Variants in PKM observed in about 807,000 individuals in gnomAD.
PKM encodes pyruvate kinase M1/2.
PKM carries 18 observed loss-of-function variants against 49.8 expected under a neutral mutation model. The observed-to-expected ratio is 0.36, with a 90% CI of 0.25 to 0.54. The LOEUF (loss-of-function observed/expected upper bound fraction) is 0.54, where lower values mean the gene tolerates loss of function less well. PKM is among the 20% of genes least tolerant of loss of function. The probability of loss-of-function intolerance (pLI) is 0.89; values close to 1 mark genes in which losing one functional copy is unlikely to be tolerated. For missense variants in PKM, 508 were observed against 713.8 expected (o/e 0.71, Z 3.28); for synonymous variants, 239 against 261.8 (o/e 0.91, Z 0.84).
chr15:72,217,577 AG>A (rs1430029177), intron 2 of PKM, 77 bp from the exon 3 acceptor site: 3 of 1,033,834 alleles, frequency 2.9e-6, no homozygotes, highest in Non-Finnish European at 4.5e-6. Context: ...TTAAGTTTAA[AG>A]AATTTTTTTC....
intron 1 of PKM, among the ~76,000 whole-genome samples, chr15:72,227,883 T>C (rs527574165): frequency 2.7e-5 from 4 of 150,468 alleles, no homozygotes; most frequent in South Asian, 2.2e-4. Flanking sequence ...ATTTCTTCCA[T>C]TGCCTCAATA....
At position 72,199,591 on chromosome 15, in the gene PKM, AATGG is replaced by A; in HGVS notation, c.*55_*58del. The A allele has an allele frequency of 8.3e-7, 1 of 1,204,908 alleles. No individual in the cohort carries two copies. The highest frequency in any genetic ancestry group is 1.2e-6 in the Non-Finnish European group (1 of 812,084). The allele number at this position is 1,204,908 out of a possible 1,614,324, so 74.6% of individuals were successfully genotyped here. A position where few individuals can be genotyped will look rare whatever the true frequency, so the allele number is the denominator to read the frequency against. On this transcript the variant is annotated 3_prime_UTR_variant, in exon 11 of 11. Transcript: ENST00000335181. ...TGAGTTCTACAAGCGTTGCTGGCCT[AATGG>A]ATGGGCTGGGGGAAGGGGGTGGGAC...
intron 1 of PKM, among the ~76,000 whole-genome samples, chr15:72,223,023 CTTTTTTTTT>C (rs755504486): frequency 7.6e-6 from 1 of 132,104 alleles, no homozygotes; most frequent in Admixed American, 7.6e-5. Context: ...TTTTTTTTTT[CTTTTTTTTT>C]TTTTTCAGAC....
Position 72,207,220 on chromosome 15 carries a change from G to A in PKM, c.894C>T (p.Gly298=), listed in dbSNP as rs141889861. 3.4e-5 allele frequency: 55 copies of A among 1,613,862 alleles called. No homozygotes were observed. The highest frequency in any genetic ancestry group is 4.7e-5 in the Non-Finnish European group (55 of 1,179,860). ...DGIMVARGDL[G]IEIPAEKVFL... ...AGACCTTCTCTGCAGGAATCTCAAT[G>A]CCTAGATCACCACGAGCCACCATGA... is the stretch of plus-strand genomic sequence containing the variant. Residue 298 remains glycine, a synonymous_variant, in exon 7 of 11, where the codon GGC becomes GGT. Coordinates refer to ENST00000335181, the MANE Select transcript of PKM (RefSeq NM_002654.6).
In PKM at chr15:72,200,738, C is replaced by T. The variant is rs1460558556; in HGVS notation, c.1308-83G>A. The T allele has an allele frequency of 8.2e-7, 1 of 1,217,506 alleles. No homozygotes were observed. The highest frequency in any genetic ancestry group is 1.2e-6 in the Non-Finnish European group (1 of 849,860). The allele number at this position is 1,217,506 out of a possible 1,614,324, so 75.4% of individuals were successfully genotyped here. A position where few individuals can be genotyped will look rare whatever the true frequency, so the allele number is the denominator to read the frequency against. ...CCTCAGGGCGTTCAAACAGCTCACCCTCTCATCCAGCTCACTGAGGGCTCT... is the reference window on the plus strand; with the variant it reads ...CCTCAGGGCGTTCAAACAGCTCACCTTCTCATCCAGCTCACTGAGGGCTCT... On this transcript the variant is annotated intron_variant, in intron 9 of 10. Transcript: ENST00000335181. The surrounding 1 kb of genome is among the most constrained non-coding windows in gnomAD (Gnocchi z 4.6).
At position 72,199,063 on chromosome 15, in the gene PKM, G is replaced by C. The variant is rs2081859868; in HGVS notation, c.*587C>G. ...GCTGTTGTTTATTGACATACAGGTA[G>C]GCTCTATAGCAACAGGCCTGGAGGT... On this transcript the variant is annotated 3_prime_UTR_variant, in exon 11 of 11. Coordinates refer to ENST00000335181, the MANE Select transcript of PKM (RefSeq NM_002654.6). 3 of 227,778 alleles carry C rather than the reference G, an allele frequency of 1.3e-5. No individual in the cohort carries two copies. The highest frequency in any genetic ancestry group is 2.7e-5 in the Non-Finnish European group (3 of 112,022). The allele number at this position is 227,778 out of a possible 1,614,324, so 14.1% of individuals were successfully genotyped here. A position where few individuals can be genotyped will look rare whatever the true frequency, so the allele number is the denominator to read the frequency against.
intron 6 of PKM, among the ~76,000 whole-genome samples, chr15:72,207,573 C>G (rs1368328708): frequency 6.6e-6 from 1 of 152,220 alleles, no homozygotes; most frequent in African/African-American, 2.4e-5. Context: ...CTCTCCAAAT[C>G]CCATGCATGT....
At chr15:72,218,749 T>TA (rs1429534670) in intron 2 of PKM, among the ~76,000 whole-genome samples, 195 bp downstream of exon 2, 1 of 152,184 alleles carries the variant, frequency 6.6e-6, no homozygotes, top group Non-Finnish European at 1.5e-5. Flanking sequence ...AATACTCTCT[T>TA]ATTAACTGTA....
At position 72,206,883 on chromosome 15, in the gene PKM, G is replaced by A. The variant is rs748631492; in HGVS notation, c.988-3C>T. On this transcript the variant is annotated splice_region_variant and splice_polypyrimidine_tract_variant and intron_variant, in intron 7 of 10. Transcript: ENST00000335181. Reference sequence around the variant, plus strand: ...TTCTTGATCATGCTCTCCAGCATCTGGGAGGGGACAGAGCATTAGTGAGAT... The same window carrying A: ...TTCTTGATCATGCTCTCCAGCATCTAGGAGGGGACAGAGCATTAGTGAGAT... 26 of 1,613,898 alleles carry A rather than the reference G, an allele frequency of 1.6e-5. No individual in the cohort carries two copies. Among genetic ancestry groups the A allele is most frequent in the South Asian group, 2.2e-5 (2 of 91,090 alleles).
intron 1 of PKM, among the ~76,000 whole-genome samples, chr15:72,225,338 T>C (rs2082639287): frequency 6.6e-6 from 1 of 151,928 alleles, no homozygotes; most frequent in African/African-American, 2.4e-5. Context: ...ATCTTAAACT[T>C]TTTTTTCTAT....
intron 7 of PKM, 40 bp downstream of exon 7, chr15:72,207,087 G>T (rs140020799): frequency 6.2e-7 from 1 of 1,609,692 alleles, no homozygotes; most frequent in African/African-American, 1.3e-5. Context: ...ACAAACATGC[G>T]AGTGTGCACA....
chr15:72,218,953 AGAT>A lies in PKM; in HGVS notation c.142_144del (p.Ile48del). The A allele has an allele frequency of 6.2e-7, 1 of 1,614,206 alleles. No homozygotes were observed. Among genetic ancestry groups the A allele is most frequent in the Non-Finnish European group, 8.5e-7 (1 of 1,180,020 alleles). On this transcript the variant is annotated inframe_deletion, in exon 2 of 11. Transcript: ENST00000335181. ...GGGCACACCCACTCACCAATGGTAC[AGAT>A]GATGCCAGTGTTCCGGGCTGTGATG...
At chr15:72,208,493 G>A in intron 6 of PKM, 128 bp downstream of exon 6, 1 of 924,706 alleles carries the variant, frequency 1.1e-6, no homozygotes, top group East Asian at 2.5e-5. Context: ...TTCTGATTCA[G>A]CAGGTTTGGA....
chr15:72,230,438 A>C (rs1596820744), intron 1 of PKM, among the ~76,000 whole-genome samples: 2 of 152,114 alleles, frequency 1.3e-5, no homozygotes, highest in South Asian at 2.1e-4. Context: ...GCGCTCGGAG[A>C]CCGGAGCAAG....
At chr15:72,212,098 C>G (rs1306051435) in intron 3 of PKM, among the ~76,000 whole-genome samples, 1 of 152,156 alleles carries the variant, frequency 6.6e-6, no homozygotes, top group Non-Finnish European at 1.5e-5. Context: ...ATGACAGACC[C>G]TTGGCTTGTC....
chr15:72,211,059 C>T (rs1193166260), intron 3 of PKM, among the ~76,000 whole-genome samples: 1 of 151,838 alleles, frequency 6.6e-6, no homozygotes, highest in African/African-American at 2.4e-5. Flanking sequence ...CTGATTTTCT[C>T]AATCGCTTTG....
At chr15:72,230,988 C>A (rs778898590) in intron 1 of PKM, 128 bp downstream of exon 1, 2 of 1,281,228 alleles carry the variant, frequency 1.6e-6, no homozygotes, top group Non-Finnish European at 2.0e-6. Flanking sequence ...TCCACTGCAT[C>A]CCAGACGCCC....
At chr15:72,228,376 CTTTTTTTTT>C (rs10656443) in intron 1 of PKM, among the ~76,000 whole-genome samples, 11 of 118,848 alleles carry the variant, frequency 9.3e-5, no homozygotes, top group African/African-American at 3.6e-4. Flanking sequence ...TTAGTTGTGG[CTTTTTTTTT>C]TTTTTTTTTT....
At chr15:72,208,448 CA>C (rs1567111182) in intron 6 of PKM, among the ~76,000 whole-genome samples, 172 bp downstream of exon 6, 1 of 150,330 alleles carries the variant, frequency 6.7e-6, no homozygotes, top group South Asian at 2.1e-4. Flanking sequence ...AAAACAAAAA[CA>C]AAAAAACATA....
Sources: allele counts gnomAD v4.1 joint callset (sites outside exome capture counted in the v4.1 genomes callset), GRCh38; gene constraint gnomAD v4.1.1; non-coding constraint Gnocchi (gnomAD v3.1); transcripts MANE v1.5; gene names NCBI Gene and HGNC (gene_info 2026-07-23, HGNC 2026-07-21).